The following VRK2 variants were observed in gnomAD, a reference collection of about 807,000 sequenced individuals.
VRK2 encodes serine/threonine-protein kinase VRK2.
Under a neutral mutation model 57.6 loss-of-function variants are expected in VRK2, and 60 were observed. The observed-to-expected ratio is 1.04, with a 90% CI of 0.85 to 1.29. VRK2 has a LOEUF of 1.29. Among genes scored for constraint, VRK2 ranks in the 50% most tolerant of loss-of-function variants. The pLI, the probability that VRK2 is intolerant of heterozygous loss-of-function variation, is 0.00. For synonymous variants in VRK2, 231 were observed against 199.2 expected (o/e 1.16, Z -1.35); for missense variants, 705 against 588.1 (o/e 1.20, Z -2.06).
intron 1 of VRK2, among the ~76,000 whole-genome samples, chr2:57,942,420 T>C (rs1671128272): frequency 6.6e-6 from 1 of 152,226 alleles, no homozygotes; most frequent in East Asian, 1.9e-4. Context: ...CAATTACCTT[T>C]CTTGCACCTG....
chr2:58,003,659 A>G (rs980818636), intron 1 of VRK2, among the ~76,000 whole-genome samples: 6 of 152,080 alleles, frequency 3.9e-5, no homozygotes, highest in African/African-American at 1.4e-4. Flanking sequence ...TTTTCTGGCA[A>G]TTTTAGCATA....
rs191683800 is a variant in VRK2 at position 58,083,114 on chromosome 2, C to T, written c.137-975C>T. ...ATCCTGTTCTCAAGTCTGTTTCTTA[C>T]TGATTTTCAATTGTAGTCAATACTA... On this transcript the variant is annotated intron_variant, in intron 2 of 12. Transcript: ENST00000340157. Among the ~76,000 whole-genome samples, 13 of 151,802 alleles carry T rather than the reference C, an allele frequency of 8.6e-5. No homozygotes were observed. The East Asian group carries it at 2.3e-3, about 27-fold the overall frequency.
intron 1 of VRK2, among the ~76,000 whole-genome samples, chr2:57,925,966 T>C (rs943361166): frequency 1.1e-4 from 17 of 152,060 alleles, no homozygotes; most frequent in African/African-American, 4.1e-4. Flanking sequence ...TTTAATTTCC[T>C]TCTTAATTTT....
At chr2:58,037,178 C>T (rs1366540828) in intron 3 of VRK2, among the ~76,000 whole-genome samples, 1 of 152,016 alleles carries the variant, frequency 6.6e-6, no homozygotes, top group East Asian at 1.9e-4. Context: ...TCAGGCAATC[C>T]TCCTGCCTTA....
rs371184261 is a variant in VRK2, at chr2:58,131,361, A to G, written c.677-447A>G. 3.1e-4 allele frequency among the ~76,000 whole-genome samples: 47 copies of G among 151,380 alleles called. No individual in the cohort carries two copies. In the South Asian group the frequency reaches 9.0e-3, roughly 29 times the overall value. Reference sequence around the variant, plus strand: ...GTGAGTGGAACAGGAAAGGCCATCAATGTTTAGTCTGCACTCAGAGGGTCT... The same window carrying G: ...GTGAGTGGAACAGGAAAGGCCATCAGTGTTTAGTCTGCACTCAGAGGGTCT... On this transcript the variant is annotated intron_variant, in intron 8 of 12. Transcript: ENST00000340157.
At chr2:58,020,706 T>G (rs373999020) in intron 1 of VRK2, among the ~76,000 whole-genome samples, 163 of 152,372 alleles carry the variant, frequency 1.1e-3, no homozygotes, top group South Asian at 9.5e-3. Context: ...TGAGACACTT[T>G]CCATTGTATA....
intron 12 of VRK2, chr2:58,154,730 T>C (rs1413869372): frequency 1.4e-6 from 1 of 717,616 alleles, no homozygotes; most frequent in Non-Finnish European, 2.6e-6. Context: ...TTGATCTTGG[T>C]GTATTTTCTT....
chr2:58,015,219 C>A (rs553183813), intron 1 of VRK2, among the ~76,000 whole-genome samples: 14 of 152,280 alleles, frequency 9.2e-5, no homozygotes, highest in Admixed American at 5.9e-4. Context: ...CTTTTGCCAT[C>A]ATTTTTCATC....
At chr2:58,028,882 TAATA>T (rs1297414255) in intron 2 of VRK2, among the ~76,000 whole-genome samples, 1,236 of 104,382 alleles carry the variant, frequency 0.012, 47 homozygotes, top group South Asian at 0.016. Context: ...ACTTAAAGTA[TAATA>T]AATAAATAAA....
chr2:58,151,191 G>C (rs1333729577), intron 12 of VRK2, among the ~76,000 whole-genome samples: 1 of 151,640 alleles, frequency 6.6e-6, no homozygotes, highest in East Asian at 1.9e-4. Flanking sequence ...AACTGTAATT[G>C]TGAATTTATC....
chr2:58,150,162 T>C (rs1432761903), intron 12 of VRK2, among the ~76,000 whole-genome samples: 3 of 151,532 alleles, frequency 2.0e-5, no homozygotes, highest in African/African-American at 7.2e-5. Flanking sequence ...AGTGTTGCAC[T>C]CTGTTTTCAG....
intron 9 of VRK2, 70 bp downstream of exon 9, chr2:58,131,998 A>G: frequency 6.4e-7 from 1 of 1,560,004 alleles, no homozygotes; most frequent in Non-Finnish European, 8.7e-7. Context: ...GGAGCTAACA[A>G]CACAGAGAAG....
At position 58,100,251 on chromosome 2, in the gene VRK2, G is replaced by A. The variant is rs144944556; in HGVS notation, c.543+10528G>A. Reference sequence around the variant, plus strand: ...AATGTGTTTGTAAGAATTTTGCATGGAATGTGCACATAATATGGTCACTAT... The same window carrying A: ...AATGTGTTTGTAAGAATTTTGCATGAAATGTGCACATAATATGGTCACTAT... On this transcript the variant is annotated intron_variant, in intron 7 of 12. Transcript: ENST00000340157. Among the ~76,000 whole-genome samples the A allele has an allele frequency of 1.7e-3, 264 of 152,048 alleles. 2 individuals carry two copies. The highest frequency in any genetic ancestry group is 3.0e-3 in the Non-Finnish European group (204 of 67,890).
intron 1 of VRK2, among the ~76,000 whole-genome samples, chr2:57,933,199 A>G (rs1670787447): frequency 1.3e-5 from 2 of 152,022 alleles, no homozygotes; most frequent in African/African-American, 4.8e-5. Context: ...AGGGTAGTTC[A>G]AGTCCAACAT....
intron 8 of VRK2, among the ~76,000 whole-genome samples, chr2:58,129,265 C>G (rs910175523): frequency 3.9e-5 from 6 of 152,040 alleles, no homozygotes; most frequent in Non-Finnish European, 8.8e-5. Context: ...CTATGTATTA[C>G]AATAAATTGT....
At chr2:58,123,398 C>A (rs2104493484) in intron 8 of VRK2, among the ~76,000 whole-genome samples, 165 bp downstream of exon 8, 1 of 152,224 alleles carries the variant, frequency 6.6e-6, no homozygotes, top group African/African-American at 2.4e-5. Context: ...ATGAATATTT[C>A]TTCTAACAGT....
At chr2:57,916,718 A>G (rs1290124394) in intron 1 of VRK2, among the ~76,000 whole-genome samples, 1 of 152,166 alleles carries the variant, frequency 6.6e-6, no homozygotes, top group African/African-American at 2.4e-5. Context: ...CATAAATAAG[A>G]CAGCTTAGAC....
chr2:58,052,825 T>A (rs1233954181), intron 2 of VRK2, among the ~76,000 whole-genome samples: 1 of 152,232 alleles, frequency 6.6e-6, no homozygotes, highest in Non-Finnish European at 1.5e-5. Flanking sequence ...AGTTCTCATA[T>A]AAGCTGTATT....
intron 1 of VRK2, among the ~76,000 whole-genome samples, chr2:57,960,137 C>T (rs1038079464): frequency 2.0e-5 from 3 of 152,000 alleles, no homozygotes; most frequent in African/African-American, 4.8e-5. Context: ...TAAATGCTTC[C>T]GTGCCCCTGT....
Sources: allele counts gnomAD v4.1 joint callset (sites outside exome capture counted in the v4.1 genomes callset), GRCh38; gene constraint gnomAD v4.1.1; transcripts MANE v1.5; gene names NCBI Gene and HGNC (gene_info 2026-07-23, HGNC 2026-07-21).